Variants in DCT observed in about 807,000 individuals in gnomAD.
DCT encodes the protein dopachrome tautomerase.
DCT carries 47 observed loss-of-function variants against 53.0 expected under a neutral mutation model. The observed-to-expected ratio is 0.89, with a 90% CI of 0.70 to 1.13. DCT has a LOEUF of 1.13. Among genes scored for constraint, DCT ranks in the 50% most tolerant of loss-of-function variants. The probability of loss-of-function intolerance (pLI) is 0.00; values close to 1 mark genes in which losing one functional copy is unlikely to be tolerated. For missense variants in DCT, 669 were observed against 637.4 expected (o/e 1.05, Z -0.53); for synonymous variants, 244 against 237.0 (o/e 1.03, Z -0.27).
the DCT span, among the ~76,000 whole-genome samples, chr13:94,528,397 C>T: frequency 1.3e-5 from 2 of 152,150 alleles, no homozygotes; most frequent in African/African-American, 2.4e-5. Flanking sequence ...CAAGAAAGGT[C>T]GGGTTACCCA....
the DCT span, among the ~76,000 whole-genome samples, chr13:94,488,080 C>T: frequency 6.6e-6 from 1 of 151,992 alleles, no homozygotes; most frequent in African/African-American, 2.4e-5. Flanking sequence ...TAGTTATTTG[C>T]TATGCACACT....
upstream of DCT, among the ~76,000 whole-genome samples, chr13:94,480,185 A>AT (rs953003181): frequency 4.0e-5 from 6 of 151,890 alleles, no homozygotes; most frequent in South Asian, 2.1e-4. Context: ...CTACGCAGCA[A>AT]TTTTTTTTTA....
At chr13:94,547,984 A>AAAAAAAAAAAATATAT in the DCT span, among the ~76,000 whole-genome samples, 2 of 65,818 alleles carry the variant, frequency 3.0e-5, no homozygotes, top group African/African-American at 2.6e-4. Context: ...AAAAAAAAAA[A>AAAAAAAAAAAATATAT]ATATATATAT....
At chr13:94,518,155 AATGAAG>A in the DCT span, among the ~76,000 whole-genome samples, 1,932 of 120,672 alleles carry the variant, frequency 0.016, 48 homozygotes, top group Admixed American at 0.05. Context: ...GGAAGGAAGG[AATGAAG>A]GAAGGAAGGA....
rs780328275 is a variant in DCT, at chr13:94,478,962, T to C, written c.294A>G (p.Thr98=). 6 of 1,607,388 alleles carry C rather than the reference T, an allele frequency of 3.7e-6. No homozygotes were observed. The highest frequency in any genetic ancestry group is 1.7e-4 in the Middle Eastern group (1 of 6,016). The change falls in exon 1 of 8, where the codon ACA becomes ACG. Residue 98 remains threonine, a splice_region_variant and synonymous_variant. Transcript: ENST00000377028. ...CCAAGCTTGGAGCATGGGCCTCACC[T>C]GTGCACTTGCAGGTCCGGTGGAAGA... is the stretch of plus-strand genomic sequence containing the variant. ...RKFFHRTCKC[T]GNFAGYNCGD...
the DCT span, among the ~76,000 whole-genome samples, chr13:94,519,179 C>G: frequency 6.6e-6 from 1 of 152,146 alleles, no homozygotes; most frequent in African/African-American, 2.4e-5. Flanking sequence ...TTTACCTTCA[C>G]GGCACATACC....
At chr13:94,497,678 G>A in the DCT span, among the ~76,000 whole-genome samples, 32 of 152,108 alleles carry the variant, frequency 2.1e-4, no homozygotes, top group Admixed American at 6.5e-4. Flanking sequence ...CCTCATCTTT[G>A]CATTGAGTAG....
chr13:94,521,307 T>C, the DCT span, among the ~76,000 whole-genome samples: 518 of 152,354 alleles, frequency 3.4e-3, 10 homozygotes, highest in Middle Eastern at 0.02. Context: ...AGTTAGTTAC[T>C]ATTATTGTCA....
At chr13:94,470,828 T>A (rs1342313440) in intron 1 of DCT, among the ~76,000 whole-genome samples, 1 of 152,236 alleles carries the variant, frequency 6.6e-6, no homozygotes, top group Non-Finnish European at 1.5e-5. Context: ...ATCCCCTTTC[T>A]TCACATTTAT....
chr13:94,478,978 C>T lies in DCT; in HGVS notation c.278G>A (p.Arg93Gln), dbSNP rs151208955. 48 of 1,611,122 alleles carry T rather than the reference C, an allele frequency of 3.0e-5. No individual in the cohort carries two copies. The East Asian group carries it at 6.5e-4, about 22-fold the overall frequency. The stretch of plus-strand genomic sequence containing the variant: ...GGCCTCACCTGTGCACTTGCAGGTC[C>T]GGTGGAAGAATTTTCTTGGCCACAG... ...RELWPRKFFH[R>Q]TCKCTGNFAG... The change falls in exon 1 of 8, where the codon CGG becomes CAG. Residue 93 changes from arginine (R) to glutamine (Q), a missense_variant. Arg to Gln is a conservative substitution (Grantham distance 43). Coordinates refer to ENST00000377028, the MANE Select transcript of DCT (RefSeq NM_001922.5).
chr13:94,494,243 C>T, the DCT span, among the ~76,000 whole-genome samples: 1 of 152,130 alleles, frequency 6.6e-6, no homozygotes, highest in Non-Finnish European at 1.5e-5. Context: ...GCTTGGCCTC[C>T]CCGATCCTGG....
chr13:94,468,935 G>A lies in DCT; in HGVS notation c.406C>T (p.Gln136Ter), dbSNP rs1344954801. ...GCGCCCAAGAACTGCTCTCTTTCCT[G>A]AGGACTCAAGGAATGGATGTTCTGC... is the stretch of plus-strand genomic sequence containing the variant. ...IRQNIHSLSP[Q>*]EREQFLGALD... The change falls in exon 2 of 8, where the codon CAG becomes TAG. Residue 136 changes from glutamine to a stop codon, truncating the protein, a stop_gained. Transcript: ENST00000377028. LOFTEE classifies it high-confidence loss of function. 1 of 1,614,044 alleles carries A rather than the reference G, an allele frequency of 6.2e-7. No individual in the cohort carries two copies. Among genetic ancestry groups the A allele is most frequent in the Admixed American group, 1.7e-5 (1 of 60,010 alleles).
chr13:94,506,928 C>T, the DCT span, among the ~76,000 whole-genome samples: 7 of 152,300 alleles, frequency 4.6e-5, no homozygotes, highest in Middle Eastern at 3.4e-3. Flanking sequence ...TTTTAAAAAT[C>T]AGGCTGATGC....
chr13:94,491,860 A>G, the DCT span, among the ~76,000 whole-genome samples: 83 of 152,318 alleles, frequency 5.4e-4, no homozygotes, highest in African/African-American at 2.0e-3. Context: ...AGTCCTATGC[A>G]TGGTCTCTGT....
At chr13:94,534,773 T>G in the DCT span, among the ~76,000 whole-genome samples, 1 of 152,050 alleles carries the variant, frequency 6.6e-6, no homozygotes, top group East Asian at 1.9e-4. Context: ...CTAGGGAGGG[T>G]GGGTCTAGCT....
At chr13:94,547,892 A>G in the DCT span, among the ~76,000 whole-genome samples, 3 of 144,892 alleles carry the variant, frequency 2.1e-5, no homozygotes, top group Non-Finnish European at 4.5e-5. Context: ...CGAGAGGCTG[A>G]GGCAGGACAC....
chr13:94,494,949 G>GT, the DCT span, among the ~76,000 whole-genome samples: 9 of 152,176 alleles, frequency 5.9e-5, no homozygotes, highest in South Asian at 1.9e-3. Flanking sequence ...TAATTTCCCT[G>GT]TTTTTGAATA....
At chr13:94,499,372 A>C in the DCT span, among the ~76,000 whole-genome samples, 1 of 152,178 alleles carries the variant, frequency 6.6e-6, no homozygotes, top group East Asian at 1.9e-4. Flanking sequence ...AAAACTTGGC[A>C]TAAATATTTA....
chr13:94,533,155 C>G, the DCT span, among the ~76,000 whole-genome samples: 2 of 149,558 alleles, frequency 1.3e-5, no homozygotes, highest in African/African-American at 4.9e-5. Context: ...ATGGCAATTA[C>G]TGGATCATAC....
Sources: allele counts gnomAD v4.1 joint callset (sites outside exome capture counted in the v4.1 genomes callset), GRCh38; gene constraint gnomAD v4.1.1; transcripts MANE v1.5; gene names NCBI Gene and HGNC (gene_info 2026-07-23, HGNC 2026-07-21).